ZNF704: variants seen among roughly 807,000 people sequenced by gnomAD.
ZNF704 encodes zinc finger protein 704, also known as glucocorticoid induced gene 1.
In ZNF704, 10 loss-of-function variants were observed where a neutral mutation model predicts 44.7. The observed-to-expected ratio is 0.22, with a 90% CI of 0.14 to 0.38. ZNF704 has a LOEUF of 0.38. Ranked by LOEUF, ZNF704 falls within the 10% of genes least tolerant of loss-of-function variation. The pLI is 1.00. For missense variants in ZNF704, 390 were observed against 545.5 expected (o/e 0.71, Z 2.84); for synonymous variants, 211 against 207.6 (o/e 1.02, Z -0.14).
At chr8:80,693,144 C>T (rs1346621581) in intron 2 of ZNF704, 37 bp from the exon 3 acceptor site, 1 of 1,563,168 alleles carries the variant, frequency 6.4e-7, no homozygotes, top group Admixed American at 1.7e-5. Context: ...ACTGTTCACT[C>T]TGCATCTGCT....
At chr8:80,800,514 T>C (rs1389500719) in intron 2 of ZNF704, among the ~76,000 whole-genome samples, 7 of 152,034 alleles carry the variant, frequency 4.6e-5, no homozygotes, top group Non-Finnish European at 8.8e-5. Flanking sequence ...TACCCAAAAT[T>C]CTTAAAGAAA....
chr8:80,835,912 T>C (rs1808551127), intron 1 of ZNF704, among the ~76,000 whole-genome samples: 1 of 152,206 alleles, frequency 6.6e-6, no homozygotes, highest in South Asian at 2.1e-4. Flanking sequence ...AGAATATATC[T>C]AAAATCCAAT....
chr8:80,644,010 A>C (rs1817787680), intron 7 of ZNF704, among the ~76,000 whole-genome samples: 2 of 152,208 alleles, frequency 1.3e-5, no homozygotes, highest in South Asian at 4.1e-4. Flanking sequence ...GAAGGAATAA[A>C]GGCAAGAGGC....
At chr8:80,822,731 T>C (rs995385047) in intron 1 of ZNF704, among the ~76,000 whole-genome samples, 9 of 152,184 alleles carry the variant, frequency 5.9e-5, no homozygotes, top group Non-Finnish European at 8.8e-5. Flanking sequence ...TTTTTAATGA[T>C]TGCCATTCTA....
Position 80,687,346 on chromosome 8 carries a change from C to T in ZNF704, c.438G>A (p.Ser146=). 2 of 1,609,820 alleles carry T rather than the reference C, an allele frequency of 1.2e-6. No individual in the cohort carries two copies. The highest frequency in any genetic ancestry group is 1.7e-6 in the Non-Finnish European group (2 of 1,179,662). ...PSDQSNPSTP[S]PPLSADSFKP... ...TGAAGCTGTCAGCCGAGAGCGGCGGCGACGGCGTGGACGGGTTGGACTGGT... is the reference window on the plus strand; with the variant it reads ...TGAAGCTGTCAGCCGAGAGCGGCGGTGACGGCGTGGACGGGTTGGACTGGT... Residue 146 remains serine, a synonymous_variant, in exon 4 of 9, where the codon TCG becomes TCA. Coordinates refer to ENST00000327835, the MANE Select transcript of ZNF704 (RefSeq NM_001033723.3).
intron 1 of ZNF704, among the ~76,000 whole-genome samples, chr8:80,850,940 C>T (rs1348236452): frequency 1.3e-5 from 2 of 152,180 alleles, no homozygotes; most frequent in Non-Finnish European, 1.5e-5. Flanking sequence ...ATCACAGTTG[C>T]ACATTGCTTA....
At chr8:80,866,210 T>C (rs1271233196) in intron 1 of ZNF704, among the ~76,000 whole-genome samples, 2 of 152,302 alleles carry the variant, frequency 1.3e-5, no homozygotes, top group East Asian at 3.9e-4. Flanking sequence ...TTGTGGTAGC[T>C]AAGAAAAGGC....
intron 2 of ZNF704, among the ~76,000 whole-genome samples, chr8:80,714,697 G>A (rs933303610): frequency 1.3e-5 from 2 of 152,048 alleles, no homozygotes; most frequent in East Asian, 1.9e-4. Flanking sequence ...TTCTCTTAGC[G>A]ACCATTAGTT....
chr8:80,653,917 T>C (rs566919655), intron 7 of ZNF704, among the ~76,000 whole-genome samples: 2 of 152,268 alleles, frequency 1.3e-5, no homozygotes, highest in South Asian at 2.1e-4. Context: ...GCTGGAGGCA[T>C]CACGCTACCT....
At chr8:80,842,269 C>T (rs745717910) in intron 1 of ZNF704, among the ~76,000 whole-genome samples, 46 of 152,254 alleles carry the variant, frequency 3.0e-4, no homozygotes, top group Non-Finnish European at 4.9e-4. Context: ...AGGTCCACCC[C>T]GAGTCCTCAT....
chr8:80,815,599 T>A (rs890470068), intron 2 of ZNF704, among the ~76,000 whole-genome samples: 5 of 152,192 alleles, frequency 3.3e-5, no homozygotes, highest in African/African-American at 1.2e-4. Flanking sequence ...TAAATGACAA[T>A]AAGTTAATGG....
chr8:80,865,650 C>T (rs1351277890), intron 1 of ZNF704, among the ~76,000 whole-genome samples: 1 of 152,144 alleles, frequency 6.6e-6, no homozygotes, highest in South Asian at 2.1e-4. Flanking sequence ...TAGTCTGAAT[C>T]GAGGAGATAT....
At chr8:80,809,966 C>T (rs987920644) in intron 2 of ZNF704, among the ~76,000 whole-genome samples, 1 of 152,094 alleles carries the variant, frequency 6.6e-6, no homozygotes, top group Non-Finnish European at 1.5e-5. Context: ...TCCTGAGTAC[C>T]CTTCATCCTT....
the ZNF704 span, among the ~76,000 whole-genome samples, chr8:80,883,989 T>A: frequency 0.027 from 4,094 of 152,186 alleles, 199 homozygotes; most frequent in African/African-American, 0.095. Flanking sequence ...ATCATGGGAG[T>A]CTTGAAAGCC....
At chr8:80,820,659 G>A (rs1023348334) in intron 2 of ZNF704, among the ~76,000 whole-genome samples, 10 of 152,060 alleles carry the variant, frequency 6.6e-5, no homozygotes, top group Admixed American at 5.9e-4. Context: ...CAGGACTTTG[G>A]GAGGCTGAAG....
intron 2 of ZNF704, among the ~76,000 whole-genome samples, chr8:80,798,960 T>C (rs1807855226): frequency 6.6e-6 from 1 of 152,206 alleles, no homozygotes; most frequent in South Asian, 2.1e-4. Flanking sequence ...AAGTGGCTCA[T>C]GGCATGACAT....
intron 1 of ZNF704, among the ~76,000 whole-genome samples, chr8:80,851,097 C>T (rs573796260): frequency 7.2e-5 from 11 of 152,266 alleles, no homozygotes; most frequent in Middle Eastern, 6.8e-3. Context: ...CAAACTTGTA[C>T]GCACGTTACT....
intron 2 of ZNF704, among the ~76,000 whole-genome samples, chr8:80,786,518 T>G (rs1202234090): frequency 6.6e-6 from 1 of 152,170 alleles, no homozygotes; most frequent in East Asian, 1.9e-4. Context: ...TTCAAATATT[T>G]GAGTGACTGC....
intron 2 of ZNF704, among the ~76,000 whole-genome samples, chr8:80,712,891 T>G (rs1441234369): frequency 1.3e-5 from 2 of 151,912 alleles, no homozygotes; most frequent in African/African-American, 4.8e-5. Context: ...TGTTTGTTTG[T>G]TTTGGTTTGG....
Sources: gnomAD v4.1 joint callset for allele counts (sites outside exome capture counted in the v4.1 genomes callset) on GRCh38, gnomAD v4.1.1 for gene constraint, MANE v1.5 for transcripts, NCBI Gene and HGNC (gene_info 2026-07-23, HGNC 2026-07-21) for gene names.